The following VPS36 variants were observed in gnomAD, a reference collection of about 807,000 sequenced individuals.
VPS36 encodes the protein vacuolar protein-sorting-associated protein 36.
In VPS36, 31 loss-of-function variants were observed where a neutral mutation model predicts 63.5. The ratio of observed to expected loss-of-function variants is 0.49; its 90% CI spans 0.37 to 0.66. VPS36 has a LOEUF of 0.66. Among genes scored for constraint, VPS36 ranks in the 30% least tolerant of loss-of-function variants. VPS36 has a pLI of 0.00. For synonymous variants in VPS36, 138 were observed against 157.2 expected, an observed-to-expected ratio of 0.88 and a Z score of 0.91; for missense variants, 338 against 463.7, an observed-to-expected ratio of 0.73 and a Z score of 2.49.
At chr13:52,448,371 G>A (rs539177576) in intron 1 of VPS36, among the ~76,000 whole-genome samples, 10 of 152,182 alleles carry the variant, frequency 6.6e-5, no homozygotes, top group East Asian at 1.9e-4. Flanking sequence ...CCAGGATACC[G>A]CACCTTCCCC....
intron 3 of VPS36, among the ~76,000 whole-genome samples, chr13:52,437,182 T>C (rs1357775284): frequency 6.6e-6 from 1 of 152,126 alleles, no homozygotes; most frequent in Non-Finnish European, 1.5e-5. Flanking sequence ...GATACACACC[T>C]ACCACTCAAT....
chr13:52,438,139 T>A (rs762407570), intron 3 of VPS36, among the ~76,000 whole-genome samples: 10 of 152,128 alleles, frequency 6.6e-5, no homozygotes, highest in South Asian at 4.1e-4. Flanking sequence ...GTAAATATTT[T>A]AAATTTTTTT....
At chr13:52,430,502 C>T (rs766406203) in intron 6 of VPS36, among the ~76,000 whole-genome samples, 4 of 151,814 alleles carry the variant, frequency 2.6e-5, no homozygotes, top group African/African-American at 4.8e-5. Context: ...TGTGGTGGCA[C>T]GCACCTGTAG....
intron 6 of VPS36, among the ~76,000 whole-genome samples, chr13:52,431,742 GAC>G (rs1369473259): frequency 2.2e-5 from 3 of 136,358 alleles, no homozygotes; most frequent in Admixed American, 8.1e-5. Flanking sequence ...CAGCCTAAGC[GAC>G]AGAGTAAGAC....
intron 2 of VPS36, among the ~76,000 whole-genome samples, chr13:52,441,885 G>A (rs1456222724): frequency 6.6e-6 from 1 of 152,154 alleles, no homozygotes; most frequent in Non-Finnish European, 1.5e-5. Flanking sequence ...ACAACCAGTG[G>A]TTTTAAGGAC....
At chr13:52,416,707 C>T (rs1254030613) in intron 12 of VPS36, among the ~76,000 whole-genome samples, 1 of 152,102 alleles carries the variant, frequency 6.6e-6, no homozygotes, top group Non-Finnish European at 1.5e-5. Context: ...TATCAAGCTG[C>T]TTATGTAGGT....
At chr13:52,450,453 G>A (rs746492168) in intron 1 of VPS36, 46 bp downstream of exon 1, 15 of 1,556,800 alleles carry the variant, frequency 9.6e-6, no homozygotes, top group Admixed American at 9.2e-5. Flanking sequence ...GCGCCCACCG[G>A]GGGTCCCTTC....
rs149371299 is a variant in VPS36, at chr13:52,446,452, A to C, written c.97-4007T>G. ...AAAATGTTGCTGCTCTAAGTGAAGA[A>C]ATTGTGTAACAGTTCCCTTTCAGGA... On this transcript the variant is annotated intron_variant, in intron 1 of 13. Transcript: ENST00000378060. 3.5e-3 allele frequency among the ~76,000 whole-genome samples: 536 copies of C among 152,294 alleles called. 2 individuals are homozygous for C. Among genetic ancestry groups the C allele is most frequent in the African/African-American group, 0.012 (482 of 41,552 alleles).
chr13:52,425,064 C>T (rs1453472097), intron 9 of VPS36, among the ~76,000 whole-genome samples: 4 of 150,166 alleles, frequency 2.7e-5, no homozygotes, highest in Non-Finnish European at 4.4e-5. Context: ...ATTGAGACTA[C>T]GGTGAAACCC....
rs1957975318 is a variant in VPS36 at position 52,414,458 on chromosome 13, T to G, written c.*1372A>C. 6.6e-6 allele frequency: 1 copy of G among 152,160 alleles called. No homozygotes were observed. The highest frequency in any genetic ancestry group is 2.4e-5 in the African/African-American group (1 of 41,432). The allele number at this position is 152,160 out of a possible 1,614,324, so 9.4% of individuals were successfully genotyped here. On this transcript the variant is annotated 3_prime_UTR_variant, in exon 14 of 14. Transcript: ENST00000378060. ...ACAGCATTCCTGTGACACTGGAGGA[T>G]ACGAAGCAGCAATAGCCACTTTTCA...
intron 1 of VPS36, chr13:52,450,022 G>A: frequency 1.0e-6 from 1 of 986,314 alleles, no homozygotes; most frequent in Non-Finnish European, 1.2e-6. Context: ...TAAAGCTTCC[G>A]CTGGGGCACG....
chr13:52,426,175 T>C (rs1242647938), intron 8 of VPS36, 109 bp from the exon 9 acceptor site: 2 of 1,350,462 alleles, frequency 1.5e-6, no homozygotes, highest in Non-Finnish European at 2.0e-6. Flanking sequence ...TCCCCATTCC[T>C]TCTACTGTGT....
In VPS36 at chr13:52,436,248, C is replaced by G. The variant is rs1333871940; in HGVS notation, c.351+42G>C. Reference sequence around the variant, plus strand: ...ACACACACACACACACACACACACACACACACCTTTCTAGTACGATTTTAT... The same window carrying G: ...ACACACACACACACACACACACACAGACACACCTTTCTAGTACGATTTTAT... On this transcript the variant is annotated intron_variant, in intron 4 of 13. Coordinates refer to ENST00000378060, the MANE Select transcript of VPS36 (RefSeq NM_016075.4). 2.8e-6 allele frequency: 4 copies of G among 1,408,130 alleles called. No homozygotes were observed. In the Admixed American group the frequency reaches 7.5e-5, roughly 26 times the overall value. The allele number at this position is 1,408,130 out of a possible 1,614,324, so 87.2% of individuals were successfully genotyped here. A position where few individuals can be genotyped will look rare whatever the true frequency, so the allele number is the denominator to read the frequency against.
In VPS36 at chr13:52,450,456, G is replaced by A. The variant is rs776220793; in HGVS notation, c.96+43C>T. 7 of 1,560,200 alleles carry A rather than the reference G, an allele frequency of 4.5e-6. No individual in the cohort carries two copies. In the East Asian group the frequency reaches 1.5e-4, roughly 34 times the overall value. On this transcript the variant is annotated intron_variant, in intron 1 of 13. Coordinates refer to ENST00000378060, the MANE Select transcript of VPS36 (RefSeq NM_016075.4). ...GAGCCGGGCCGCGCGCCCACCGGGGGTCCCTTCCGCCAGCCCGTTGGGAAG... is the reference window on the plus strand; with the variant it reads ...GAGCCGGGCCGCGCGCCCACCGGGGATCCCTTCCGCCAGCCCGTTGGGAAG...
At chr13:52,429,663 A>C (rs1815152147) in intron 6 of VPS36, among the ~76,000 whole-genome samples, 1 of 152,236 alleles carries the variant, frequency 6.6e-6, no homozygotes, top group Non-Finnish European at 1.5e-5. Context: ...AATGGTCCGT[A>C]TGGTGAGCAC....
chr13:52,415,695 A>T lies in VPS36; in HGVS notation c.*135T>A, dbSNP rs779124330. The T allele has an allele frequency of 9.2e-6, 8 of 869,920 alleles. No individual in the cohort carries two copies. The highest frequency in any genetic ancestry group is 1.1e-5 in the Non-Finnish European group (6 of 549,496). 53.9% of individuals were successfully genotyped at this position (869,920 alleles called of 1,614,324 possible). On this transcript the variant is annotated 3_prime_UTR_variant, in exon 14 of 14. Transcript: ENST00000378060. ...TTTCCTGGACCATATTTAGTGAGAA[A>T]TTAAAAGAGATTTACATTGCACTGT...
chr13:52,422,818 A>G (rs1025887187), intron 10 of VPS36, among the ~76,000 whole-genome samples: 4 of 152,234 alleles, frequency 2.6e-5, no homozygotes, highest in African/African-American at 2.4e-5. Context: ...AAAGTGATGA[A>G]TATCTTAATT....
chr13:52,421,467 G>C (rs890396233), intron 10 of VPS36, among the ~76,000 whole-genome samples: 1 of 150,692 alleles, frequency 6.6e-6, no homozygotes, highest in Admixed American at 6.6e-5. Context: ...TACACAGGGT[G>C]ACTAGATAAT....
At chr13:52,448,503 A>G (rs1226628474) in intron 1 of VPS36, among the ~76,000 whole-genome samples, 1 of 152,220 alleles carries the variant, frequency 6.6e-6, no homozygotes, top group East Asian at 1.9e-4. Context: ...CTCCACTCCA[A>G]TTTCAAGCTT....
Sources: gnomAD v4.1 joint callset for allele counts (sites outside exome capture counted in the v4.1 genomes callset) on GRCh38, gnomAD v4.1.1 for gene constraint, MANE v1.5 for transcripts, NCBI Gene and HGNC (gene_info 2026-07-23, HGNC 2026-07-21) for gene names.